SNRPD3: variants seen among roughly 807,000 people sequenced by gnomAD.
SNRPD3 encodes small nuclear ribonucleoprotein D3 polypeptide, also known as small nuclear ribonucleoprotein Sm D3.
For synonymous variants in SNRPD3, 66 were observed against 58.4 expected (o/e 1.13, Z -0.59); for missense variants, 73 against 167.5 (o/e 0.44, Z 3.11).
rs985315301 is a variant in SNRPD3 at position 24,572,125 on chromosome 22, T to C, written c.*148T>C. 7.8e-5 allele frequency: 111 copies of C among 1,430,526 alleles called. No individual in the cohort carries two copies. The highest frequency in any genetic ancestry group is 1.0e-4 in the Non-Finnish European group (105 of 1,041,022). 88.6% of individuals were successfully genotyped at this position (1,430,526 alleles called of 1,614,324 possible). A position where few individuals can be genotyped will look rare whatever the true frequency, so the allele number is the denominator to read the frequency against. ...GTTTAAGCTAAATAAATCTGGGGGG[T>C]TTTTTGTTCTGTTTTGTTTTGTTTT... On this transcript the variant is annotated 3_prime_UTR_variant, in exon 4 of 4. Coordinates refer to ENST00000215829, the MANE Select transcript of SNRPD3 (RefSeq NM_004175.5).
intron 2 of SNRPD3, among the ~76,000 whole-genome samples, chr22:24,566,952 TA>T (rs1248913423): frequency 6.6e-6 from 1 of 152,246 alleles, no homozygotes; most frequent in Non-Finnish European, 1.5e-5. Flanking sequence ...CTGACTCCTT[TA>T]TCTGAAGTAA....
Position 24,572,930 on chromosome 22 carries a change from A to G in SNRPD3, c.*953A>G, listed in dbSNP as rs1013241594. 6.6e-6 allele frequency among the ~76,000 whole-genome samples: 1 copy of G among 152,300 alleles called. No homozygotes were observed. ...AGTTGTTAATGTAGGAAGGGTGACCAGCAGCTCAGCACAGTGGCTTGCTTC... is the reference window on the plus strand; with the variant it reads ...AGTTGTTAATGTAGGAAGGGTGACCGGCAGCTCAGCACAGTGGCTTGCTTC... On this transcript the variant is annotated 3_prime_UTR_variant, in exon 4 of 4. Coordinates refer to ENST00000215829, the MANE Select transcript of SNRPD3 (RefSeq NM_004175.5).
rs1569029572 is a variant in SNRPD3 at position 24,574,703 on chromosome 22, A to G, written c.*2726A>G. 6.6e-6 allele frequency among the ~76,000 whole-genome samples: 1 copy of G among 151,998 alleles called. No homozygotes were observed. The highest frequency in any genetic ancestry group is 1.5e-5 in the Non-Finnish European group (1 of 68,002). ...AATACTGGTGCACACCACCATGCCTAGCTAATTTTTGTATTTTTTGTAGAG... is the reference window on the plus strand; with the variant it reads ...AATACTGGTGCACACCACCATGCCTGGCTAATTTTTGTATTTTTTGTAGAG... On this transcript the variant is annotated 3_prime_UTR_variant, in exon 4 of 4. Coordinates refer to ENST00000215829, the MANE Select transcript of SNRPD3 (RefSeq NM_004175.5).
Position 24,563,204 on chromosome 22 carries a change from A to ATG in SNRPD3, c.127-4779_127-4778insGT, listed in dbSNP as rs1467545713. ...GCAACACAGTGAGACCCTGTCTCATATATGTGTGTGTGTGTGTGTGTGTGT... is the reference window on the plus strand; with the variant it reads ...GCAACACAGTGAGACCCTGTCTCATATGTATGTGTGTGTGTGTGTGTGTGTGT... On this transcript the variant is annotated intron_variant, in intron 2 of 3. Transcript: ENST00000215829. Among the ~76,000 whole-genome samples the ATG allele has an allele frequency of 2.9e-3, 289 of 99,434 alleles. 1 individual carries two copies. Among genetic ancestry groups the ATG allele is most frequent in the African/African-American group, 8.2e-3 (276 of 33,516 alleles). The allele number at this position is 99,434 out of a possible 152,430, so 65.2% of individuals were successfully genotyped here. A position where few individuals can be genotyped will look rare whatever the true frequency, so the allele number is the denominator to read the frequency against.
At chr22:24,570,664 C>T (rs1168148110) in intron 3 of SNRPD3, among the ~76,000 whole-genome samples, 1 of 151,906 alleles carries the variant, frequency 6.6e-6, no homozygotes, top group African/African-American at 2.4e-5. Context: ...GCCTAGGTGA[C>T]AGAGCTAGAC....
chr22:24,559,490 C>T (rs1252328346), intron 2 of SNRPD3, among the ~76,000 whole-genome samples: 1 of 152,160 alleles, frequency 6.6e-6, no homozygotes, highest in Non-Finnish European at 1.5e-5. Flanking sequence ...GCTGGGTTTC[C>T]AGGGCCTTTG....
chr22:24,563,121 A>C (rs2045159409), intron 2 of SNRPD3, among the ~76,000 whole-genome samples: 1 of 151,914 alleles, frequency 6.6e-6, no homozygotes, highest in Non-Finnish European at 1.5e-5. Context: ...TAATCCCAGC[A>C]CTTTGGGAGG....
At chr22:24,557,622 GA>G in intron 1 of SNRPD3, 34 bp from the exon 2 acceptor site, 1 of 1,563,458 alleles carries the variant, frequency 6.4e-7, no homozygotes, top group South Asian at 1.1e-5. Context: ...TTCAGACTCT[GA>G]AAGATGAACT....
upstream of SNRPD3, chr22:24,555,905 A>G: frequency 7.0e-7 from 1 of 1,429,768 alleles, no homozygotes; most frequent in Admixed American, 2.0e-5. Context: ...GAGGAAGCGG[A>G]GGCGAGACCG....
intron 3 of SNRPD3, among the ~76,000 whole-genome samples, 200 bp from the exon 4 acceptor site, chr22:24,571,716 C>T (rs764720832): frequency 6.6e-6 from 1 of 151,536 alleles, no homozygotes; most frequent in Non-Finnish European, 1.5e-5. Flanking sequence ...TGCACTCCAG[C>T]CTGGGTGACA....
rs1374323752 is a variant in SNRPD3, at chr22:24,568,118, A to G, written c.261A>G (p.Lys87=). 6.2e-7 allele frequency: 1 copy of G among 1,613,974 alleles called. No homozygotes were observed. Among genetic ancestry groups the G allele is most frequent in the African/African-American group, 1.3e-5 (1 of 74,918 alleles). ...LKNAPMLKSM[K]NKNQGSGAGR... ...ACGCACCCATGTTAAAGAGCATGAA[A>G]AATAAAAACCAAGGCTCAGGGGCTG... The change falls in exon 3 of 4, where the codon AAA becomes AAG. Residue 87 remains lysine, a synonymous_variant. Coordinates refer to ENST00000215829, the MANE Select transcript of SNRPD3 (RefSeq NM_004175.5).
intron 3 of SNRPD3, among the ~76,000 whole-genome samples, 178 bp from the exon 4 acceptor site, chr22:24,571,738 C>T (rs1400323408): frequency 6.7e-6 from 1 of 149,212 alleles, no homozygotes; most frequent in Non-Finnish European, 1.5e-5. Flanking sequence ...AGTGGGACTC[C>T]GTCTCAAAAA....
At chr22:24,555,827 A>G (rs1254298349), upstream of SNRPD3, 6 of 1,545,240 alleles carry the variant, frequency 3.9e-6, no homozygotes, top group Non-Finnish European at 5.2e-6. Context: ...CCCAGTCATC[A>G]GCCCTCTTTT....
chr22:24,557,685 G>C lies in SNRPD3; in HGVS notation c.11G>C (p.Gly4Ala). 1.2e-6 allele frequency: 2 copies of C among 1,612,736 alleles called. No individual in the cohort carries two copies. Among genetic ancestry groups the C allele is most frequent in the Non-Finnish European group, 1.7e-6 (2 of 1,179,238 alleles). The change falls in exon 2 of 4, where the codon GGT (glycine) becomes GCT (alanine). Residue 4 changes from glycine to alanine, a missense_variant. Gly to Ala is a moderately conservative substitution (Grantham distance 60, BLOSUM62 0). Transcript: ENST00000215829. MSI[G>A]VPIKVLHEAE... is the part of the protein sequence containing the mutation. ...TCTCTTCCTGCCAAGATGTCTATTGGTGTGCCGATTAAAGTACTGCATGAG... is the reference window on the plus strand; with the variant it reads ...TCTCTTCCTGCCAAGATGTCTATTGCTGTGCCGATTAAAGTACTGCATGAG...
At chr22:24,563,296 A>G (rs868823951) in intron 2 of SNRPD3, among the ~76,000 whole-genome samples, 3 of 119,040 alleles carry the variant, frequency 2.5e-5, no homozygotes, top group South Asian at 2.3e-4. Flanking sequence ...GTGTGTGTAT[A>G]TATATATATA....
chr22:24,557,590 CATG>C, intron 1 of SNRPD3, 64 bp from the exon 2 acceptor site: 1 of 1,153,890 alleles, frequency 8.7e-7, no homozygotes, highest in South Asian at 1.3e-5. Context: ...TTAAAGGAAG[CATG>C]ATGTGTGCCA....
chr22:24,556,471 A>G (rs576165601), intron 1 of SNRPD3, among the ~76,000 whole-genome samples: 106 of 151,314 alleles, frequency 7.0e-4, no homozygotes, highest in Non-Finnish European at 1.4e-3. Flanking sequence ...TCGGCCTTCC[A>G]AAGTGCTGGG....
rs1001684815 is a variant in SNRPD3, at chr22:24,574,825, C to T, written c.*2848C>T. Among the ~76,000 whole-genome samples, 1 of 152,174 alleles carries T rather than the reference C, an allele frequency of 6.6e-6. No homozygotes were observed. The highest frequency in any genetic ancestry group is 2.4e-5 in the African/African-American group (1 of 41,438). On this transcript the variant is annotated 3_prime_UTR_variant, in exon 4 of 4. Coordinates refer to ENST00000215829, the MANE Select transcript of SNRPD3 (RefSeq NM_004175.5). The stretch of plus-strand genomic sequence containing the variant: ...CTGGGATTATAGGTGTGAGCCACTG[C>T]ACCCGGCCACCATTATCTTTTGAAT...
At chr22:24,570,224 C>A (rs975809236) in intron 3 of SNRPD3, among the ~76,000 whole-genome samples, 6 of 152,254 alleles carry the variant, frequency 3.9e-5, no homozygotes, top group Middle Eastern at 3.4e-3. Context: ...AGGGTCCTGC[C>A]TTGGGCAGGT....
Sources: allele counts gnomAD v4.1 joint callset (sites outside exome capture counted in the v4.1 genomes callset), GRCh38; gene constraint gnomAD v4.1.1; transcripts MANE v1.5; gene names NCBI Gene and HGNC (gene_info 2026-07-23, HGNC 2026-07-21).